The following IL18R1 variants were observed in gnomAD, a reference collection of about 807,000 sequenced individuals.
IL18R1 encodes interleukin 18 receptor 1.
A neutral mutation model predicts 48.5 loss-of-function variants in IL18R1; 40 were observed. The ratio of observed to expected loss-of-function variants is 0.82; its 90% CI spans 0.64 to 1.07. IL18R1 has a LOEUF of 1.07. Ranked by LOEUF, IL18R1 falls within the 50% of genes least tolerant of loss-of-function variation. IL18R1 has a pLI of 0.00. For synonymous variants in IL18R1, 232 were observed against 225.9 expected, an observed-to-expected ratio of 1.03 and a Z score of -0.24; for missense variants, 596 against 633.7, an observed-to-expected ratio of 0.94 and a Z score of 0.64.
At chr2:102,382,454 T>C (rs1679974793) in intron 6 of IL18R1, among the ~76,000 whole-genome samples, 1 of 152,140 alleles carries the variant, frequency 6.6e-6, no homozygotes, top group Non-Finnish European at 1.5e-5. Flanking sequence ...ACATGTCCAA[T>C]TGAGTAATTT....
intron 9 of IL18R1, among the ~76,000 whole-genome samples, chr2:102,391,159 A>G (rs1680549309): frequency 6.6e-6 from 1 of 152,150 alleles, no homozygotes; most frequent in South Asian, 2.1e-4. Context: ...TTTGTTTTGC[A>G]TGTATGTGTT....
At position 102,393,225 on chromosome 2, in the gene IL18R1, A is replaced by G. The variant is rs138215369; in HGVS notation, c.1112-1244A>G. 9.5e-4 allele frequency among the ~76,000 whole-genome samples: 144 copies of G among 152,042 alleles called. No individual in the cohort carries two copies. In the Middle Eastern group the frequency reaches 0.024, roughly 25 times the overall value. ...TGGAAGCACTAGCTCTTACTTAACT[A>G]GTAGATAGTTATATTTGATAGCAGT... On this transcript the variant is annotated intron_variant, in intron 9 of 10. Transcript: ENST00000233957.
intron 10 of IL18R1, 45 bp downstream of exon 10, chr2:102,394,672 T>C (rs376223688): frequency 6.6e-7 from 1 of 1,525,658 alleles, no homozygotes; most frequent in Non-Finnish European, 8.9e-7. Context: ...ATAGTTTCTT[T>C]TTAAAAAATG....
Position 102,396,613 on chromosome 2 carries a change from G to A in IL18R1, c.1353G>A (p.Glu451=). The A allele has an allele frequency of 4.3e-6, 7 of 1,613,444 alleles. No homozygotes were observed. Among genetic ancestry groups the A allele is most frequent in the African/African-American group, 1.3e-5 (1 of 74,992 alleles). ...TAAGTAAAAGTTATATGTCTAATGA[G>A]GTCAGGTATGAACTTGAAAGTGGAC... ...IVLSKSYMSN[E]VRYELESGLH... is the part of the protein sequence containing the mutation. Residue 451 remains glutamate (E), a synonymous_variant, in exon 11 of 11, where the codon GAG becomes GAA. Transcript: ENST00000233957.
chr2:102,356,283 T>C lies in IL18R1; in HGVS notation c.-146T>C. The C allele has an allele frequency of 1.1e-6, 1 of 945,554 alleles. No homozygotes were observed. The allele number at this position is 945,554 out of a possible 1,614,324, so 58.6% of individuals were successfully genotyped here. ...ACCTCTCTTTCACTTTCCACGGTAG[T>C]CAGGAGGCGGAGATCGCTGCTTCTC... On this transcript the variant is annotated 5_prime_UTR_variant, in exon 1 of 11. Coordinates refer to ENST00000233957, the MANE Select transcript of IL18R1 (RefSeq NM_003855.5).
chr2:102,373,790 A>G (rs1679410107), intron 4 of IL18R1: 2 of 207,006 alleles, frequency 9.7e-6, no homozygotes, highest in East Asian at 1.2e-4. Context: ...CACTAACATT[A>G]CCACCTCCTG....
intron 1 of IL18R1, among the ~76,000 whole-genome samples, chr2:102,357,456 A>T (rs942244043): frequency 1.3e-5 from 2 of 150,490 alleles, no homozygotes; most frequent in Non-Finnish European, 3.0e-5. Context: ...GTGCCACTGC[A>T]CTCCAGCCTG....
At position 102,397,854 on chromosome 2, in the gene IL18R1, C is replaced by A. The variant is rs11465660; in HGVS notation, c.*968C>A. The A allele has an allele frequency of 0.075, 11,428 of 152,230 alleles. 538 individuals are homozygous for A. Among genetic ancestry groups the A allele is most frequent in the Middle Eastern group, 0.24 (70 of 294 alleles). The allele number at this position is 152,230 out of a possible 1,614,324, so 9.4% of individuals were successfully genotyped here. A position where few individuals can be genotyped will look rare whatever the true frequency, so the allele number is the denominator to read the frequency against. ...CTACTTACTTCTGTGGCCTCTGGAA[C>A]CTTATCCAACCTCTTGGTGCTTCAG... On this transcript the variant is annotated 3_prime_UTR_variant, in exon 11 of 11. Transcript: ENST00000233957.
chr2:102,368,628 G>A (rs894995878), intron 3 of IL18R1, among the ~76,000 whole-genome samples: 2 of 152,152 alleles, frequency 1.3e-5, no homozygotes, highest in African/African-American at 4.8e-5. Context: ...GAAGGGCTTT[G>A]CATTTTACTC....
intron 3 of IL18R1, among the ~76,000 whole-genome samples, chr2:102,369,047 T>C (rs1484042520): frequency 3.3e-5 from 5 of 152,206 alleles, no homozygotes; most frequent in African/African-American, 9.7e-5. Context: ...ATAACTCTTT[T>C]GATAAAAATC....
intron 4 of IL18R1, among the ~76,000 whole-genome samples, chr2:102,374,450 T>G (rs1284277132): frequency 6.6e-6 from 1 of 152,162 alleles, no homozygotes; most frequent in Non-Finnish European, 1.5e-5. Context: ...TGTGTTACAG[T>G]ATATGTAAAT....
intron 6 of IL18R1, among the ~76,000 whole-genome samples, chr2:102,382,761 T>G (rs1196642264): frequency 6.6e-6 from 1 of 152,218 alleles, no homozygotes; most frequent in East Asian, 1.9e-4. Context: ...ATGGGCCCAG[T>G]GCAGCTGGGT....
At chr2:102,395,775 C>T (rs1282226483) in intron 10 of IL18R1, among the ~76,000 whole-genome samples, 2 of 152,080 alleles carry the variant, frequency 1.3e-5, no homozygotes, top group African/African-American at 2.4e-5. Flanking sequence ...TTGGTTAAAC[C>T]TCTATTTGAG....
At chr2:102,358,271 C>T (rs1424967056) in intron 1 of IL18R1, among the ~76,000 whole-genome samples, 1 of 152,134 alleles carries the variant, frequency 6.6e-6, no homozygotes, top group Non-Finnish European at 1.5e-5. Context: ...CAGGGTGGGA[C>T]CCATAAACAA....
chr2:102,387,033 CTT>C, intron 8 of IL18R1, 33 bp downstream of exon 8: 6 of 1,604,178 alleles, frequency 3.7e-6, no homozygotes, highest in African/African-American at 1.3e-5. Context: ...AGTTTTGAAA[CTT>C]AGCTCATTGC....
At chr2:102,362,190 G>A (rs1342823420) in intron 1 of IL18R1, among the ~76,000 whole-genome samples, 1 of 152,088 alleles carries the variant, frequency 6.6e-6, no homozygotes, top group East Asian at 1.9e-4. Context: ...AACCCTAAAT[G>A]AAGATCTCAT....
At chr2:102,373,531 C>T (rs1433655728) in intron 4 of IL18R1, among the ~76,000 whole-genome samples, 1 of 151,910 alleles carries the variant, frequency 6.6e-6, no homozygotes, top group Non-Finnish European at 1.5e-5. Flanking sequence ...TTGATGGGTT[C>T]AGCAAACCAC....
In IL18R1 at chr2:102,375,924, A is replaced by G; in HGVS notation, c.486A>G (p.Leu162=). ...AAAAACAGAACTGTAAAAAGCTACTACTGGAGAACAATAAAAACCCAACGA... is the reference window on the plus strand; with the variant it reads ...AAAAACAGAACTGTAAAAAGCTACTGCTGGAGAACAATAAAAACCCAACGA... ...TSLYKNCKKL[L]LENNKNPTIK... Residue 162 remains leucine, a synonymous_variant, in exon 5 of 11, where the codon CTA becomes CTG. Transcript: ENST00000233957. 2 of 1,589,898 alleles carry G rather than the reference A, an allele frequency of 1.3e-6. No homozygotes were observed. The highest frequency in any genetic ancestry group is 1.7e-6 in the Non-Finnish European group (2 of 1,172,298).
At chr2:102,391,889 G>T (rs1051222904) in intron 9 of IL18R1, among the ~76,000 whole-genome samples, 1 of 151,900 alleles carries the variant, frequency 6.6e-6, no homozygotes, top group African/African-American at 2.4e-5. Context: ...TTTGCCTATT[G>T]TTCCATGGGG....
Sources: allele counts gnomAD v4.1 joint callset (sites outside exome capture counted in the v4.1 genomes callset), GRCh38; gene constraint gnomAD v4.1.1; transcripts MANE v1.5; gene names NCBI Gene and HGNC (gene_info 2026-07-23, HGNC 2026-07-21).